Variants in RYR3 observed in about 807,000 individuals in gnomAD.
The protein encoded by RYR3 is brain ryanodine receptor-calcium release channel.
A neutral mutation model predicts 584.3 loss-of-function variants in RYR3; 207 were observed. The ratio of observed to expected loss-of-function variants is 0.35; its 90% CI spans 0.32 to 0.40. RYR3 has a LOEUF of 0.40. Among genes scored for constraint, RYR3 ranks in the 10% least tolerant of loss-of-function variants. The pLI is 1.00. For missense variants in RYR3, 5,616 were observed against 6,089.2 expected, an observed-to-expected ratio of 0.92 and a Z score of 2.59; for synonymous variants, 2,416 against 2,248.5, an observed-to-expected ratio of 1.07 and a Z score of -2.11.
intron 10 of RYR3, among the ~76,000 whole-genome samples, chr15:33,561,379 G>A (rs1212824058): frequency 6.6e-6 from 1 of 152,212 alleles, no homozygotes; most frequent in Admixed American, 6.5e-5. Flanking sequence ...GTGAGTAGTA[G>A]TTTAGAGTAG....
At chr15:33,638,623 C>T (rs886460794) in intron 27 of RYR3, among the ~76,000 whole-genome samples, 14 of 152,144 alleles carry the variant, frequency 9.2e-5, no homozygotes, top group African/African-American at 3.1e-4. Context: ...TGCATTCTGA[C>T]GAGACACTGG....
chr15:33,547,682 T>C (rs2056350319), intron 8 of RYR3, among the ~76,000 whole-genome samples: 1 of 152,168 alleles, frequency 6.6e-6, no homozygotes. Context: ...TGCCCTGGAA[T>C]GATGGAAATG....
chr15:33,827,476 G>A (rs1309093131), intron 85 of RYR3, among the ~76,000 whole-genome samples, 189 bp downstream of exon 85: 1 of 152,218 alleles, frequency 6.6e-6, no homozygotes, highest in Non-Finnish European at 1.5e-5. Flanking sequence ...AGTGGGAGAC[G>A]TGGTTAAACA....
At chr15:33,400,575 T>C (rs1315916326) in intron 1 of RYR3, among the ~76,000 whole-genome samples, 1 of 152,082 alleles carries the variant, frequency 6.6e-6, no homozygotes, top group East Asian at 1.9e-4. Flanking sequence ...AATTTCTTCG[T>C]GGAGACTTTC....
Position 33,552,895 on chromosome 15 carries a change from C to G in RYR3, c.972+2579C>G, listed in dbSNP as rs188738593. Among the ~76,000 whole-genome samples, 11 of 152,292 alleles carry G rather than the reference C, an allele frequency of 7.2e-5. No individual in the cohort carries two copies. The East Asian group carries it at 2.1e-3, about 29-fold the overall frequency. On this transcript the variant is annotated intron_variant, in intron 10 of 103. Transcript: ENST00000634891. ...GGCACGGGCTTTCCTTAAATGCATT[C>G]TCTGTGCTTCCCCTCCCTGGGCGCT... is the stretch of plus-strand genomic sequence containing the variant.
At chr15:33,797,742 TG>T (rs1269412624) in intron 67 of RYR3, among the ~76,000 whole-genome samples, 1 of 152,192 alleles carries the variant, frequency 6.6e-6, no homozygotes, top group Non-Finnish European at 1.5e-5. Context: ...GTGGCTGTTT[TG>T]TTCCTTGGCT....
At chr15:33,673,268 C>T (rs530245018) in intron 38 of RYR3, among the ~76,000 whole-genome samples, 1 of 152,344 alleles carries the variant, frequency 6.6e-6, no homozygotes, top group Non-Finnish European at 1.5e-5. Context: ...GTGGTGGGCT[C>T]ACCCCGCAGT....
In RYR3 at chr15:33,697,550, C is replaced by T. The variant is rs1304180798; in HGVS notation, c.6135-332C>T. On this transcript the variant is annotated intron_variant, in intron 39 of 103. Coordinates refer to ENST00000634891, the MANE Select transcript of RYR3 (RefSeq NM_001036.6). ...TGTAATTGTTCTTACATCTTAATGTCGTGAGTTTTTAAAGACTATTGTCCA... is the reference window on the plus strand; with the variant it reads ...TGTAATTGTTCTTACATCTTAATGTTGTGAGTTTTTAAAGACTATTGTCCA... 2.0e-5 allele frequency among the ~76,000 whole-genome samples: 3 copies of T among 152,164 alleles called. No individual in the cohort carries two copies. The East Asian group carries it at 5.8e-4, about 29-fold the overall frequency.
chr15:33,453,977 C>T (rs2047341755), intron 1 of RYR3, among the ~76,000 whole-genome samples: 1 of 152,090 alleles, frequency 6.6e-6, no homozygotes, highest in African/African-American at 2.4e-5. Context: ...TGAATTCTTG[C>T]CAGGTTGAGG....
At chr15:33,420,485 T>C (rs2044163273) in intron 1 of RYR3, among the ~76,000 whole-genome samples, 1 of 152,130 alleles carries the variant, frequency 6.6e-6, no homozygotes, top group African/African-American at 2.4e-5. Flanking sequence ...GACCATTCCA[T>C]TCAGAGTGGA....
chr15:33,649,291 C>G (rs979821148), intron 31 of RYR3, 56 bp downstream of exon 31: 14 of 1,523,146 alleles, frequency 9.2e-6, no homozygotes, highest in Middle Eastern at 2.3e-4. Context: ...TCCCTCCCCC[C>G]AGTCTTTTTC....
chr15:33,636,120 A>G (rs190498025), intron 26 of RYR3, among the ~76,000 whole-genome samples: 87 of 152,318 alleles, frequency 5.7e-4, no homozygotes, highest in African/African-American at 2.1e-3. Flanking sequence ...TATGTCAGGA[A>G]ATCTTACCAG....
chr15:33,765,721 C>T (rs1596490284), intron 60 of RYR3, among the ~76,000 whole-genome samples: 1 of 151,838 alleles, frequency 6.6e-6, no homozygotes, highest in Non-Finnish European at 1.5e-5. Flanking sequence ...CATTATAGGG[C>T]CCAGCCATTA....
At chr15:33,576,445 A>G (rs986171520) in intron 12 of RYR3, among the ~76,000 whole-genome samples, 1 of 152,346 alleles carries the variant, frequency 6.6e-6, no homozygotes, top group South Asian at 2.1e-4. Flanking sequence ...CATCCCTGGG[A>G]TGCAAGGCTG....
chr15:33,847,862 G>A (rs2078825403), intron 93 of RYR3, among the ~76,000 whole-genome samples: 1 of 152,150 alleles, frequency 6.6e-6, no homozygotes, highest in Non-Finnish European at 1.5e-5. Context: ...CCTGTACATT[G>A]AAGGGAGTTG....
intron 1 of RYR3, among the ~76,000 whole-genome samples, chr15:33,447,282 C>A (rs879065562): frequency 6.6e-6 from 1 of 152,162 alleles, no homozygotes; most frequent in African/African-American, 2.4e-5. Context: ...ACACAGAGAA[C>A]CCCCTGACTT....
In RYR3 at chr15:33,826,596, G is replaced by A. The variant is rs1427741956; in HGVS notation, c.11165-76G>A. ...TTCTGACACAACTCCTTTATCATCT[G>A]TGTAGTCATTTACATTAGAAAGTAT... On this transcript the variant is annotated intron_variant, in intron 83 of 103. Transcript: ENST00000634891. 6 of 1,211,710 alleles carry A rather than the reference G, an allele frequency of 5.0e-6. No individual in the cohort carries two copies. In the East Asian group the frequency reaches 9.3e-5, roughly 19 times the overall value. 75.1% of individuals were successfully genotyped at this position (1,211,710 alleles called of 1,614,324 possible). A position where few individuals can be genotyped will look rare whatever the true frequency, so the allele number is the denominator to read the frequency against.
In RYR3 at chr15:33,336,905, A is replaced by G. The variant is rs191699030; in HGVS notation, c.51+25809A>G. ...CCCGTCTCTACTAAAAATACAAAAA[A>G]AAATTAGCCGGGCGTGGTGGCGGGT... On this transcript the variant is annotated intron_variant, in intron 1 of 103. Transcript: ENST00000634891. 9.2e-5 allele frequency among the ~76,000 whole-genome samples: 14 copies of G among 151,864 alleles called. No individual in the cohort carries two copies. The East Asian group carries it at 2.7e-3, about 30-fold the overall frequency.
chr15:33,573,796 G>A (rs538160575), intron 12 of RYR3, among the ~76,000 whole-genome samples: 10 of 152,252 alleles, frequency 6.6e-5, no homozygotes, highest in African/African-American at 2.4e-4. Flanking sequence ...CTATACATTG[G>A]GCTTTACTCT....
Sources: gnomAD v4.1 joint callset for allele counts (sites outside exome capture counted in the v4.1 genomes callset) on GRCh38, gnomAD v4.1.1 for gene constraint, MANE v1.5 for transcripts, NCBI Gene and HGNC (gene_info 2026-07-23, HGNC 2026-07-21) for gene names.